Variants in CNKSR2 observed in about 807,000 individuals in gnomAD.
The protein encoded by CNKSR2 is CNK homolog protein 2.
Under a neutral mutation model 84.4 loss-of-function variants are expected in CNKSR2, and 14 were observed. The ratio of observed to expected loss-of-function variants is 0.17; its 90% CI spans 0.11 to 0.26. The LOEUF (loss-of-function observed/expected upper bound fraction) is 0.26, where lower values mean the gene tolerates loss of function less well. Among genes scored for constraint, CNKSR2 ranks in the 10% least tolerant of loss-of-function variants. The pLI is 1.00. For missense variants in CNKSR2, 485 were observed against 771.2 expected (o/e 0.63, Z 4.40); for synonymous variants, 275 against 277.9 (o/e 0.99, Z 0.10).
intron 1 of CNKSR2, among the ~76,000 whole-genome samples, chrX:21,379,901 T>A (rs1241918309): frequency 9.0e-6 from 1 of 111,660 alleles, no homozygotes; most frequent in Non-Finnish European, 1.9e-5. Flanking sequence ...CTAGCAACTA[T>A]TTAAGCTACT....
At chrX:21,555,767 T>C (rs765076537) in intron 11 of CNKSR2, among the ~76,000 whole-genome samples, 6 of 111,767 alleles carry the variant, frequency 5.4e-5, no homozygotes, top group Admixed American at 9.5e-5. Flanking sequence ...GTCAGACTTA[T>C]GGAGAAATTT....
intron 13 of CNKSR2, among the ~76,000 whole-genome samples, chrX:21,579,197 G>T (rs974951729): frequency 8.9e-6 from 1 of 111,989 alleles, no homozygotes; most frequent in Non-Finnish European, 1.9e-5. Flanking sequence ...ACAAATTTAC[G>T]TAGTGGCCAA....
chrX:21,585,695 G>T (rs62591187), intron 13 of CNKSR2, among the ~76,000 whole-genome samples: 3 of 111,457 alleles, frequency 2.7e-5, no homozygotes, highest in Non-Finnish European at 3.8e-5. Context: ...CTTTAGCTCA[G>T]TGAAGAAGTC....
intron 8 of CNKSR2, among the ~76,000 whole-genome samples, chrX:21,510,052 T>C (rs2091655326): frequency 9.0e-6 from 1 of 111,441 alleles, no homozygotes; most frequent in South Asian, 3.7e-4. Context: ...TTGAATTAAG[T>C]CTCTTCAGTG....
intron 4 of CNKSR2, among the ~76,000 whole-genome samples, chrX:21,467,528 CT>C (rs2091143859): frequency 9.0e-6 from 1 of 111,310 alleles, no homozygotes; most frequent in Non-Finnish European, 1.9e-5. Context: ...ATAATTGTGC[CT>C]TTGTTACACT....
chrX:21,555,453 A>G (rs1182733256), intron 11 of CNKSR2, among the ~76,000 whole-genome samples: 2 of 111,277 alleles, frequency 1.8e-5, no homozygotes, highest in Non-Finnish European at 1.9e-5. Context: ...ATATGTTACC[A>G]TTATCCTTTA....
At chrX:21,613,868 G>A (rs1486113697) in intron 20 of CNKSR2, among the ~76,000 whole-genome samples, 2 of 108,283 alleles carry the variant, frequency 1.8e-5, no homozygotes, top group Admixed American at 2.0e-4. Context: ...GAACCCGGGA[G>A]GTGGAGGTTG....
intron 3 of CNKSR2, among the ~76,000 whole-genome samples, chrX:21,440,290 AGTT>A (rs2090766979): frequency 9.0e-6 from 1 of 111,497 alleles, no homozygotes; most frequent in South Asian, 3.8e-4. Flanking sequence ...AAACCTTAGC[AGTT>A]GTTATTACTA....
chrX:21,440,722 T>A lies in CNKSR2; in HGVS notation c.460T>A (p.Ser154Thr), dbSNP rs2090772048. ...RSPFAAVTDY[S>T]VTRNNVIQLC... ...ACCATTTGCTGCTGTGACAGACTAT[T>A]CAGTTACAAGAAATAATGTCATACA... The change falls in exon 4 of 22, where the codon TCA (serine) becomes ACA (threonine). Residue 154 changes from serine to threonine, a missense_variant. Around this residue, in one of 5 missense-constraint regions of CNKSR2, gnomAD observed 109 missense variants for 197.5 expected, o/e 0.55. Transcript: ENST00000379510. The A allele has an allele frequency of 3.3e-6, 4 of 1,196,589 alleles. No homozygotes were observed. Among genetic ancestry groups the A allele is most frequent in the Non-Finnish European group, 4.5e-6 (4 of 884,622 alleles).
At chrX:21,551,303 G>A (rs919473330) in intron 11 of CNKSR2, among the ~76,000 whole-genome samples, 2 of 111,715 alleles carry the variant, frequency 1.8e-5, no homozygotes, top group African/African-American at 3.3e-5. Context: ...ACCATGGCAC[G>A]TGCATACCTA....
At chrX:21,526,644 G>GCCAT (rs1401485119) in intron 9 of CNKSR2, among the ~76,000 whole-genome samples, 2 of 111,234 alleles carry the variant, frequency 1.8e-5, no homozygotes, top group Admixed American at 1.9e-4. Context: ...AAGGTGAGTT[G>GCCAT]GGAGTGAAGT....
intron 20 of CNKSR2, among the ~76,000 whole-genome samples, chrX:21,639,023 A>G (rs1442362830): frequency 8.9e-6 from 1 of 111,822 alleles, no homozygotes; most frequent in Non-Finnish European, 1.9e-5. Flanking sequence ...TTGTTCTTTT[A>G]GAAAAGAGGA....
At chrX:21,408,277 G>C (rs1336473108) in intron 1 of CNKSR2, among the ~76,000 whole-genome samples, 3 of 111,855 alleles carry the variant, frequency 2.7e-5, no homozygotes, top group Non-Finnish European at 5.6e-5. Flanking sequence ...TACTCAGGAT[G>C]ACTCTCACTG....
intron 6 of CNKSR2, chrX:21,495,650 G>T (rs1295071670): frequency 1.9e-5 from 2 of 105,487 alleles, no homozygotes; most frequent in Non-Finnish European, 3.9e-5. Flanking sequence ...GGGCGTGGTG[G>T]TGAGCGCCTG....
chrX:21,565,924 C>G (rs1438842701), intron 13 of CNKSR2, among the ~76,000 whole-genome samples: 1 of 111,015 alleles, frequency 9.0e-6, no homozygotes, highest in East Asian at 2.8e-4. Context: ...TAACAAAACT[C>G]AAACTCAGAA....
At chrX:21,546,977 A>G (rs765735458) in intron 11 of CNKSR2, among the ~76,000 whole-genome samples, 3 of 112,100 alleles carry the variant, frequency 2.7e-5, no homozygotes, top group African/African-American at 9.7e-5. Context: ...GCAATAATAT[A>G]CAAATTGTAA....
At position 21,533,824 on chromosome X, in the gene CNKSR2, A is replaced by G. The variant is rs142920173; in HGVS notation, c.1303+1757A>G. ...AAATTGACACATAATAATTGTACAT[A>G]TTTATGGGATACAGAGTGATATTTT... On this transcript the variant is annotated intron_variant, in intron 11 of 21. Coordinates refer to ENST00000379510, the MANE Select transcript of CNKSR2 (RefSeq NM_014927.5). 6.3e-3 allele frequency among the ~76,000 whole-genome samples: 701 copies of G among 111,109 alleles called. 7 individuals carry two copies. The highest frequency in any genetic ancestry group is 0.022 in the African/African-American group (663 of 30,735).
chrX:21,616,594 A>T (rs1348185578), intron 20 of CNKSR2, among the ~76,000 whole-genome samples: 1 of 111,989 alleles, frequency 8.9e-6, no homozygotes, highest in African/African-American at 3.2e-5. Context: ...ACTGCTCCTC[A>T]CATTATGGCT....
At chrX:21,487,224 C>T (rs994188378) in intron 5 of CNKSR2, among the ~76,000 whole-genome samples, 7 of 111,553 alleles carry the variant, frequency 6.3e-5, no homozygotes, top group Non-Finnish European at 9.4e-5. Context: ...TCTGAGAAGA[C>T]GTTTTTGCAA....
Sources: gnomAD v4.1 joint callset for allele counts (sites outside exome capture counted in the v4.1 genomes callset) on GRCh38, gnomAD v4.1.1 for gene constraint, gnomAD v4.1.1 regional missense constraint, MANE v1.5 for transcripts, NCBI Gene and HGNC (gene_info 2026-07-23, HGNC 2026-07-21) for gene names.